The following STAT4 variants were observed in gnomAD, a reference collection of about 807,000 sequenced individuals.
STAT4 encodes signal transducer and activator of transcription 4.
STAT4 carries 42 observed loss-of-function variants against 110.5 expected under a neutral mutation model. That is an observed-to-expected ratio of 0.38 (90% CI 0.30 to 0.49). The LOEUF is 0.49. STAT4 is among the 20% of genes least tolerant of loss of function. STAT4 has a pLI of 0.95. For synonymous variants in STAT4, 284 were observed against 302.2 expected (o/e 0.94, Z 0.63); for missense variants, 632 against 887.9 (o/e 0.71, Z 3.66).
intron 4 of STAT4, among the ~76,000 whole-genome samples, chr2:191,073,476 C>G (rs1296841985): frequency 6.6e-6 from 1 of 152,140 alleles, no homozygotes; most frequent in Admixed American, 6.5e-5. Flanking sequence ...TGCCTGAGCT[C>G]AAGAGTTTGA....
chr2:191,052,644 T>C (rs113702517), intron 14 of STAT4, among the ~76,000 whole-genome samples: 79 of 152,304 alleles, frequency 5.2e-4, no homozygotes, highest in African/African-American at 1.8e-3. Flanking sequence ...TGGATTTATT[T>C]GATTTGCTTT....
intron 3 of STAT4, among the ~76,000 whole-genome samples, chr2:191,109,307 T>C (rs1272827222): frequency 6.6e-6 from 1 of 150,490 alleles, no homozygotes. Context: ...TTTTGTTTTT[T>C]GTTTTTTTTT....
Position 191,117,858 on chromosome 2 carries a change from G to A in STAT4, c.273+28755C>T, listed in dbSNP as rs1442305786. The stretch of plus-strand genomic sequence containing the variant: ...CTATTCAGTGAGAATTGGAAATGGG[G>A]GCTGGAAATCTACACTTTTAACAAG... On this transcript the variant is annotated intron_variant, in intron 3 of 23. Coordinates refer to ENST00000392320, the MANE Select transcript of STAT4 (RefSeq NM_003151.4). The surrounding 1 kb of genome is among the most constrained non-coding windows in gnomAD (Gnocchi z 5.2). 6.6e-6 allele frequency among the ~76,000 whole-genome samples: 1 copy of A among 151,356 alleles called. No individual in the cohort carries two copies. Among genetic ancestry groups the A allele is most frequent in the Admixed American group, 6.6e-5 (1 of 15,214 alleles).
At position 191,029,826 on chromosome 2, in the gene STAT4, C is replaced by CA; in HGVS notation, c.*13dup. 1 of 1,599,668 alleles carries CA rather than the reference C, an allele frequency of 6.3e-7. No homozygotes were observed. The highest frequency in any genetic ancestry group is 2.2e-5 in the East Asian group (1 of 44,494). On this transcript the variant is annotated 3_prime_UTR_variant, in exon 24 of 24. Coordinates refer to ENST00000392320, the MANE Select transcript of STAT4 (RefSeq NM_003151.4). This position sits in a 1 kb window ranked among gnomAD's most constrained non-coding sequence, Gnocchi z 4.5. ...TCATTTGCTTCCTTTCTTGGTGCGT[C>CA]AGAGTTTATCCTGTCATTCAGCAGA...
chr2:191,057,464 T>G (rs1358559999), intron 13 of STAT4, among the ~76,000 whole-genome samples: 1 of 152,230 alleles, frequency 6.6e-6, no homozygotes, highest in Non-Finnish European at 1.5e-5. Context: ...ACTTAGGTAC[T>G]ATGTCTTCAT....
intron 3 of STAT4, 77 bp from the exon 4 acceptor site, chr2:191,076,402 GA>G (rs1224464343): frequency 2.0e-6 from 2 of 1,025,212 alleles, no homozygotes; most frequent in Admixed American, 4.5e-5. Flanking sequence ...ATCACCTCTT[GA>G]AAAACAACAA....
At chr2:191,126,478 T>A (rs186723268) in intron 3 of STAT4, among the ~76,000 whole-genome samples, 1 of 152,234 alleles carries the variant, frequency 6.6e-6, no homozygotes, top group Non-Finnish European at 1.5e-5. Flanking sequence ...AATGAAGCAA[T>A]AGATAGTGAA....
At chr2:191,074,704 T>C (rs1697261811) in intron 4 of STAT4, among the ~76,000 whole-genome samples, 2 of 152,314 alleles carry the variant, frequency 1.3e-5, no homozygotes, top group South Asian at 4.1e-4. Context: ...AGGCACTAAA[T>C]CAAACTATAT....
intron 5 of STAT4, among the ~76,000 whole-genome samples, chr2:191,071,810 T>G (rs1309675384): frequency 6.6e-6 from 1 of 152,104 alleles, no homozygotes; most frequent in Non-Finnish European, 1.5e-5. Context: ...CTACAAGGGA[T>G]TTGTTGAAGG....
rs1174084065 is a variant in STAT4 at position 191,042,065 on chromosome 2, T to A, written c.1252-917A>T. Among the ~76,000 whole-genome samples the A allele has an allele frequency of 6.6e-6, 1 of 152,148 alleles. No individual in the cohort carries two copies. The highest frequency in any genetic ancestry group is 1.5e-5 in the Non-Finnish European group (1 of 68,008). On this transcript the variant is annotated intron_variant, in intron 14 of 23. Transcript: ENST00000392320. This position sits in a 1 kb window ranked among gnomAD's most constrained non-coding sequence, Gnocchi z 4.2. Reference sequence around the variant, plus strand: ...GCTCCTGGAAAGGTATCTGGGAAGTTTGCCAGACCAAGGGAGGTAACATAC... The same window carrying A: ...GCTCCTGGAAAGGTATCTGGGAAGTATGCCAGACCAAGGGAGGTAACATAC...
rs542291335 is a variant in STAT4, at chr2:191,039,110, G to A, written c.1434+89C>T. On this transcript the variant is annotated intron_variant, in intron 16 of 23. Coordinates refer to ENST00000392320, the MANE Select transcript of STAT4 (RefSeq NM_003151.4). This position sits in a 1 kb window ranked among gnomAD's most constrained non-coding sequence, Gnocchi z 4.7. ...AGCAACTCTCACCCCACACCCCACT[G>A]GCACACACATGTTTTGATGCAGATG... 1.6e-5 allele frequency: 19 copies of A among 1,151,736 alleles called. No homozygotes were observed. In the African/African-American group the frequency reaches 2.3e-4, roughly 14 times the overall value. 71.3% of individuals were successfully genotyped at this position (1,151,736 alleles called of 1,614,324 possible).
chr2:191,062,726 C>A lies in STAT4; in HGVS notation c.941+36G>T, dbSNP rs754362186. ...CCTTAGGAAGGGTGTTCTTACTTCA[C>A]AGAATGGAGGATGCCATTGATAGCA... On this transcript the variant is annotated intron_variant, in intron 9 of 23. Coordinates refer to ENST00000392320, the MANE Select transcript of STAT4 (RefSeq NM_003151.4). This position sits in a 1 kb window ranked among gnomAD's most constrained non-coding sequence, Gnocchi z 4.9. The A allele has an allele frequency of 1.6e-5, 26 of 1,610,850 alleles. No homozygotes were observed. In the East Asian group the frequency reaches 5.4e-4, roughly 33 times the overall value.
intron 8 of STAT4, 65 bp downstream of exon 8, chr2:191,064,742 T>G: frequency 1.9e-6 from 3 of 1,556,334 alleles, no homozygotes; most frequent in Non-Finnish European, 2.6e-6. Flanking sequence ...GTTCTCTGGC[T>G]GAGTGACACT....
At chr2:191,105,237 T>TA (rs1286299438) in intron 3 of STAT4, among the ~76,000 whole-genome samples, 1 of 152,194 alleles carries the variant, frequency 6.6e-6, no homozygotes, top group Non-Finnish European at 1.5e-5. Context: ...ACCAGAAGGT[T>TA]ACTCTCGACA....
rs938840973 is a variant in STAT4 at position 191,110,718 on chromosome 2, C to T, written c.274-34393G>A. ...ATTTCAGTTGATACAACTGAAGTAC[C>T]GTATCACTGAGTTTCTAAAATTTAT... On this transcript the variant is annotated intron_variant, in intron 3 of 23. Transcript: ENST00000392320. The surrounding 1 kb of genome is among the most constrained non-coding windows in gnomAD (Gnocchi z 4.5). Among the ~76,000 whole-genome samples, 3 of 152,022 alleles carry T rather than the reference C, an allele frequency of 2.0e-5. No individual in the cohort carries two copies. Among genetic ancestry groups the T allele is most frequent in the Non-Finnish European group, 4.4e-5 (3 of 68,006 alleles).
In STAT4 at chr2:191,116,457, G is replaced by A. The variant is rs536687235; in HGVS notation, c.273+30156C>T. On this transcript the variant is annotated intron_variant, in intron 3 of 23. Coordinates refer to ENST00000392320, the MANE Select transcript of STAT4 (RefSeq NM_003151.4). This position sits in a 1 kb window ranked among gnomAD's most constrained non-coding sequence, Gnocchi z 4.1. ...TAATTCAAGTTAGAAAGAAATACCC[G>A]AGTAGCCTAGAAAATAATCTTCTAA... 6.6e-5 allele frequency among the ~76,000 whole-genome samples: 10 copies of A among 152,282 alleles called. No individual in the cohort carries two copies. The highest frequency in any genetic ancestry group is 1.9e-4 in the African/African-American group (8 of 41,552).
intron 3 of STAT4, among the ~76,000 whole-genome samples, chr2:191,096,144 A>G (rs1433516443): frequency 6.6e-6 from 1 of 152,212 alleles, no homozygotes; most frequent in Non-Finnish European, 1.5e-5. Context: ...ACCAACCAAA[A>G]AAAGCCCAGG....
chr2:191,079,548 G>A (rs968232179), intron 3 of STAT4, among the ~76,000 whole-genome samples: 1 of 151,768 alleles, frequency 6.6e-6, no homozygotes, highest in Non-Finnish European at 1.5e-5. Context: ...TAATGCTTTT[G>A]TAATATCTCT....
chr2:191,041,267 A>C, intron 14 of STAT4, 119 bp from the exon 15 acceptor site: 3 of 375,816 alleles, frequency 8.0e-6, no homozygotes, highest in Non-Finnish European at 1.3e-5. Flanking sequence ...ATACCCCCAA[A>C]CAGTCTCTAT....
Sources: gnomAD v4.1 joint callset for allele counts (sites outside exome capture counted in the v4.1 genomes callset) on GRCh38, gnomAD v4.1.1 for gene constraint, Gnocchi (gnomAD v3.1) non-coding constraint, MANE v1.5 for transcripts, NCBI Gene and HGNC (gene_info 2026-07-23, HGNC 2026-07-21) for gene names.